Variants in OTC observed in about 807,000 individuals in gnomAD.
The protein encoded by OTC is ornithine transcarbamylase, also known as ornithine transcarbamylase, mitochondrial.
Under a neutral mutation model 30.3 loss-of-function variants are expected in OTC, and 3 were observed. That is an observed-to-expected ratio of 0.10 (90% CI 0.05 to 0.26). The LOEUF (loss-of-function observed/expected upper bound fraction) is 0.26, where lower values mean the gene tolerates loss of function less well. Ranked by LOEUF, OTC falls within the 10% of genes least tolerant of loss-of-function variation. The pLI is 1.00. For missense variants in OTC, 194 were observed against 260.3 expected (o/e 0.75, Z 1.75); for synonymous variants, 111 against 99.7 (o/e 1.11, Z -0.67).
intron 3 of OTC, among the ~76,000 whole-genome samples, chrX:38,372,932 C>G (rs776243361): frequency 5.3e-5 from 6 of 112,187 alleles, no homozygotes; most frequent in Non-Finnish European, 9.4e-5. Context: ...CTTGGCAATT[C>G]TGTTCCAAGC....
chrX:38,347,644 A>G (rs189355869), upstream of OTC, among the ~76,000 whole-genome samples: 26 of 112,253 alleles, frequency 2.3e-4, no homozygotes, highest in African/African-American at 7.8e-4. Context: ...GTTTGTATGG[A>G]TCTCAAATTT....
intron 4 of OTC, among the ~76,000 whole-genome samples, chrX:38,389,308 G>C (rs1482138886): frequency 9.0e-6 from 1 of 110,587 alleles, no homozygotes; most frequent in Non-Finnish European, 1.9e-5. Flanking sequence ...TCCAATCATT[G>C]CTATTCTCAA....
chrX:38,389,753 A>G (rs1386491217), intron 4 of OTC, among the ~76,000 whole-genome samples: 2 of 111,974 alleles, frequency 1.8e-5, no homozygotes, highest in Non-Finnish European at 3.8e-5. Flanking sequence ...GTTTGGTTCA[A>G]TTCAGAGCTC....
intron 4 of OTC, among the ~76,000 whole-genome samples, chrX:38,397,710 A>G (rs1232354256): frequency 1.8e-5 from 2 of 111,822 alleles, no homozygotes; most frequent in Admixed American, 1.9e-4. Flanking sequence ...TTCTTCCTCT[A>G]CATTGATCCA....
At chrX:38,390,689 A>G (rs906334960) in intron 4 of OTC, among the ~76,000 whole-genome samples, 1 of 112,138 alleles carries the variant, frequency 8.9e-6, no homozygotes, top group African/African-American at 3.2e-5. Context: ...CACTTGCACC[A>G]TGTTCCAATA....
rs1418040705 is a variant in OTC at position 38,380,832 on chromosome X, G to A, written c.299-510G>A. ...CAACCCCTGCCTCCCAGATTCAAGC[G>A]ATTCTCCTGCCTCAGCCTCCCGACT... On this transcript the variant is annotated intron_variant, in intron 3 of 9. Transcript: ENST00000039007. Among the ~76,000 whole-genome samples the A allele has an allele frequency of 2.7e-5, 3 of 111,498 alleles. No individual in the cohort carries two copies. The East Asian group carries it at 8.5e-4, about 31-fold the overall frequency.
chrX:38,357,338 G>T (rs1005775107), intron 1 of OTC, among the ~76,000 whole-genome samples: 4 of 111,779 alleles, frequency 3.6e-5, no homozygotes, highest in African/African-American at 1.3e-4. Context: ...CCTTTTTTAG[G>T]TACAGCCAGA....
At chrX:38,350,112 T>C (rs1014670779), upstream of OTC, among the ~76,000 whole-genome samples, 1 of 110,701 alleles carries the variant, frequency 9.0e-6, no homozygotes, top group Non-Finnish European at 1.9e-5. Flanking sequence ...CCCCTGATGA[T>C]AGAAGTTAGG....
intron 4 of OTC, 81 bp from the exon 5 acceptor site, chrX:38,401,191 CTTG>C: frequency 1.4e-6 from 1 of 732,873 alleles, no homozygotes; most frequent in Non-Finnish European, 2.1e-6. Context: ...ATTAGTATTT[CTTG>C]TTATTATTTC....
chrX:38,408,656 G>A lies in OTC; in HGVS notation c.664-86G>A, dbSNP rs191918088. On this transcript the variant is annotated intron_variant, in intron 6 of 9. Coordinates refer to ENST00000039007, the MANE Select transcript of OTC (RefSeq NM_000531.6). Reference sequence around the variant, plus strand: ...CACATCTTGAAAAAGGGAAGGAGACGCGATATTGAAAAGAAAATAATATAT... The same window carrying A: ...CACATCTTGAAAAAGGGAAGGAGACACGATATTGAAAAGAAAATAATATAT... 266 of 611,769 alleles carry A rather than the reference G, an allele frequency of 4.3e-4. 1 individual carries two copies. The East Asian group carries it at 7.0e-3, about 16-fold the overall frequency. 50.4% of individuals were successfully genotyped at this position (611,769 alleles called of 1,213,427 possible).
intron 4 of OTC, among the ~76,000 whole-genome samples, chrX:38,390,978 A>T (rs59626438): frequency 0.27 from 29,409 of 110,285 alleles, 3,428 homozygotes; most frequent in African/African-American, 0.41. Context: ...TAAGTTTCAA[A>T]CTTATACCAA....
chrX:38,335,042 C>A, the OTC span, among the ~76,000 whole-genome samples: 1 of 111,964 alleles, frequency 8.9e-6, no homozygotes, highest in Admixed American at 9.4e-5. Context: ...CCCCATCCTC[C>A]CAACATTCCC....
intron 1 of OTC, among the ~76,000 whole-genome samples, chrX:38,365,965 G>A (rs2068293745): frequency 8.9e-6 from 1 of 112,242 alleles, no homozygotes; most frequent in East Asian, 2.8e-4. Flanking sequence ...CAGAGGAAAT[G>A]TAATTGTCTG....
chrX:38,351,888 A>G (rs929766049), upstream of OTC, among the ~76,000 whole-genome samples: 3 of 111,025 alleles, frequency 2.7e-5, no homozygotes, highest in Admixed American at 2.9e-4. Context: ...AGCCTCCCAA[A>G]TAGCTGGGAT....
intron 4 of OTC, among the ~76,000 whole-genome samples, chrX:38,401,019 T>A (rs972209546): frequency 4.4e-5 from 5 of 112,489 alleles, no homozygotes; most frequent in African/African-American, 1.6e-4. Flanking sequence ...CTCATCATTA[T>A]GTCTGCTGGG....
chrX:38,371,356 T>C (rs569094956), intron 3 of OTC, among the ~76,000 whole-genome samples: 2 of 111,788 alleles, frequency 1.8e-5, no homozygotes, highest in Admixed American at 1.9e-4. Flanking sequence ...TTGCCTCTTT[T>C]CTTTCTCTCT....
At chrX:38,387,260 T>G (rs1602023295) in intron 4 of OTC, among the ~76,000 whole-genome samples, 1 of 112,098 alleles carries the variant, frequency 8.9e-6, no homozygotes, top group South Asian at 3.7e-4. Flanking sequence ...CTTTTCACTC[T>G]GTTGATTGTT....
At chrX:38,338,110 A>G in the OTC span, among the ~76,000 whole-genome samples, 5 of 112,152 alleles carry the variant, frequency 4.5e-5, no homozygotes, top group African/African-American at 1.6e-4. Context: ...TAATGCCACA[A>G]TATCCACCTA....
At chrX:38,348,153 A>G (rs113057216), upstream of OTC, among the ~76,000 whole-genome samples, 2,653 of 111,776 alleles carry the variant, frequency 0.024, 74 homozygotes, top group African/African-American at 0.082. Flanking sequence ...CTAATTTCTA[A>G]ATCGCTCTTG....
Sources: gnomAD v4.1 joint callset for allele counts (sites outside exome capture counted in the v4.1 genomes callset) on GRCh38, gnomAD v4.1.1 for gene constraint, MANE v1.5 for transcripts, NCBI Gene and HGNC (gene_info 2026-07-23, HGNC 2026-07-21) for gene names.